The following NARF variants were observed in gnomAD, a reference collection of about 807,000 sequenced individuals.
NARF encodes the protein iron-only hydrogenase-like protein 2.
Under a neutral mutation model 48.0 loss-of-function variants are expected in NARF, and 41 were observed. The ratio of observed to expected loss-of-function variants is 0.85; its 90% CI spans 0.66 to 1.11. NARF has a LOEUF of 1.11. Among genes scored for constraint, NARF ranks in the 50% least tolerant of loss-of-function variants. NARF has a pLI of 0.00. For missense variants in NARF, 613 were observed against 590.2 expected, an observed-to-expected ratio of 1.04 and a Z score of -0.40; for synonymous variants, 215 against 225.5, an observed-to-expected ratio of 0.95 and a Z score of 0.42.
intron 3 of NARF, among the ~76,000 whole-genome samples, chr17:82,466,599 G>A (rs1281916612): frequency 1.3e-5 from 2 of 152,044 alleles, no homozygotes; most frequent in Admixed American, 6.6e-5. Context: ...GTTACAGGCA[G>A]GCACCACCAT....
chr17:82,470,595 C>T lies in NARF; in HGVS notation c.385+1699C>T, dbSNP rs369015657. 3.5e-3 allele frequency among the ~76,000 whole-genome samples: 534 copies of T among 152,130 alleles called. 5 individuals carry two copies. Among genetic ancestry groups the T allele is most frequent in the African/African-American group, 0.012 (490 of 41,518 alleles). On this transcript the variant is annotated intron_variant, in intron 4 of 10. Transcript: ENST00000309794. ...CTGCAAGCTCCACCTCCCGGGTTCA[C>T]ACCATTCTCCTGCCTCAGCCTCCCG...
rs780025320 is a variant in NARF, at chr17:82,472,715, C to T, written c.520+17C>T. The T allele has an allele frequency of 6.2e-7, 1 of 1,605,282 alleles. No individual in the cohort carries two copies. The highest frequency in any genetic ancestry group is 1.7e-5 in the Admixed American group (1 of 58,062). On this transcript the variant is annotated intron_variant, in intron 5 of 10. Transcript: ENST00000309794. Reference sequence around the variant, plus strand: ...CCTGTCCTGGTGAGCCCCTGGACCCCCGCTCTGTTGGCCTGAGGTGCCAAA... The same window carrying T: ...CCTGTCCTGGTGAGCCCCTGGACCCTCGCTCTGTTGGCCTGAGGTGCCAAA...
chr17:82,475,650 G>A (rs2043816076), intron 5 of NARF, among the ~76,000 whole-genome samples: 1 of 152,182 alleles, frequency 6.6e-6, no homozygotes, highest in Non-Finnish European at 1.5e-5. Context: ...AGGAAGCAAG[G>A]GGCTGGCCTG....
At chr17:82,470,413 TGTAAC>T (rs1385783538) in intron 4 of NARF, among the ~76,000 whole-genome samples, 1 of 152,346 alleles carries the variant, frequency 6.6e-6, no homozygotes, top group African/African-American at 2.4e-5. Context: ...CTTAAAATGA[TGTAAC>T]GGAATGTTAT....
chr17:82,459,276 C>T, intron 1 of NARF: 3 of 726,820 alleles, frequency 4.1e-6, no homozygotes, highest in Non-Finnish European at 5.1e-6. Context: ...TGTCTCCAGG[C>T]CATGGCAACA....
chr17:82,458,946 C>A, intron 1 of NARF, 116 bp downstream of exon 1: 4 of 1,227,296 alleles, frequency 3.3e-6, no homozygotes, highest in Non-Finnish European at 4.1e-6. Context: ...TTCAAGGCGC[C>A]CCCGGCCTCG....
intron 10 of NARF, 126 bp from the exon 11 acceptor site, chr17:82,487,790 A>ACCCCCCCC: frequency 1.6e-6 from 1 of 613,872 alleles, no homozygotes. Context: ...CTCCCGCCCA[A>ACCCCCCCC]TCTCTACAAA....
At chr17:82,473,081 C>T (rs1439445315) in intron 5 of NARF, among the ~76,000 whole-genome samples, 1 of 151,568 alleles carries the variant, frequency 6.6e-6, no homozygotes, top group East Asian at 1.9e-4. Flanking sequence ...GCTGGGACTA[C>T]AGGTGCACGC....
rs373163516 is a variant in NARF at position 82,459,576 on chromosome 17, G to A, written c.28-416G>A. 8 of 177,728 alleles carry A rather than the reference G, an allele frequency of 4.5e-5. No individual in the cohort carries two copies. The South Asian group carries it at 6.9e-4, about 15-fold the overall frequency. The allele number at this position is 177,728 out of a possible 1,614,324, so 11.0% of individuals were successfully genotyped here. A position where few individuals can be genotyped will look rare whatever the true frequency, so the allele number is the denominator to read the frequency against. Reference sequence around the variant, plus strand: ...CCTGTTTCACTAGAAGGGTTAGAAGGATAGAAGGCCAGGCACGGTGGCTCA... The same window carrying A: ...CCTGTTTCACTAGAAGGGTTAGAAGAATAGAAGGCCAGGCACGGTGGCTCA... On this transcript the variant is annotated intron_variant, in intron 1 of 10. Transcript: ENST00000309794.
chr17:82,472,441 G>A, intron 4 of NARF, 123 bp from the exon 5 acceptor site: 1 of 1,085,476 alleles, frequency 9.2e-7, no homozygotes, highest in Non-Finnish European at 1.3e-6. Context: ...CCGAGATTAT[G>A]CCACTGCACT....
At position 82,488,160 on chromosome 17, in the gene NARF, T is replaced by C. The variant is rs199678357; in HGVS notation, c.*3T>C. 3 of 1,613,106 alleles carry C rather than the reference T, an allele frequency of 1.9e-6. No individual in the cohort carries two copies. The highest frequency in any genetic ancestry group is 4.5e-5 in the East Asian group (2 of 44,844). On this transcript the variant is annotated 3_prime_UTR_variant, in exon 11 of 11. Coordinates refer to ENST00000309794, the MANE Select transcript of NARF (RefSeq NM_012336.4). ...ACAGCCTGGACATCAAGTGGTGAAG[T>C]CAGGCCAGGGCCTTCCAGCTGCTCT...
At position 82,488,439 on chromosome 17, in the gene NARF, A is replaced by C; in HGVS notation, c.*282A>C. ...CACCCAGGCTGGAGTGCAATGGCGC[A>C]ATCTCAGCTCACTGCAACCTCTGCC... On this transcript the variant is annotated 3_prime_UTR_variant, in exon 11 of 11. Transcript: ENST00000309794. 3.0e-6 allele frequency: 1 copy of C among 336,864 alleles called. No individual in the cohort carries two copies. Among genetic ancestry groups the C allele is most frequent in the African/African-American group, 2.1e-5 (1 of 46,788 alleles). The allele number at this position is 336,864 out of a possible 1,614,324, so 20.9% of individuals were successfully genotyped here.
At chr17:82,481,372 G>C (rs1299658789) in intron 7 of NARF, among the ~76,000 whole-genome samples, 161 bp downstream of exon 7, 1 of 152,124 alleles carries the variant, frequency 6.6e-6, no homozygotes, top group Non-Finnish European at 1.5e-5. Flanking sequence ...GGGCTTAACT[G>C]CAGGTGAAGA....
At chr17:82,479,792 T>C (rs1426238180) in intron 6 of NARF, 2 of 152,226 alleles carry the variant, frequency 1.3e-5, no homozygotes, top group African/African-American at 4.8e-5. Context: ...CTATCTAGTT[T>C]CTTTCTACCC....
At chr17:82,461,654 A>G (rs2043442080) in intron 2 of NARF, among the ~76,000 whole-genome samples, 1 of 152,236 alleles carries the variant, frequency 6.6e-6, no homozygotes, top group East Asian at 1.9e-4. Context: ...TTTCACGCCC[A>G]GAAGGAACAT....
chr17:82,478,629 G>A, intron 5 of NARF, 171 bp from the exon 6 acceptor site: 1 of 712,282 alleles, frequency 1.4e-6, no homozygotes, highest in Non-Finnish European at 2.5e-6. Flanking sequence ...CCACAGCCGG[G>A]CCACCGAGGA....
In NARF at chr17:82,481,165, C is replaced by T; in HGVS notation, c.723C>T (p.Pro241=). 1 of 1,614,094 alleles carries T rather than the reference C, an allele frequency of 6.2e-7. No homozygotes were observed. Among genetic ancestry groups the T allele is most frequent in the Non-Finnish European group, 8.5e-7 (1 of 1,180,024 alleles). The change falls in exon 7 of 11, where the codon CCC becomes CCT. Residue 241 remains proline (P), a synonymous_variant. Coordinates refer to ENST00000309794, the MANE Select transcript of NARF (RefSeq NM_012336.4). The part of the protein sequence containing the change: ...KKLEALQESL[P]PALHGSRGAD... ...TGGAGGCTCTTCAGGAAAGCCTTCC[C>T]CCTGCTTTGCATGGCTCCCGGGGCG...
chr17:82,458,590 T>C (rs1456707862), upstream of NARF: 1 of 554,524 alleles, frequency 1.8e-6, no homozygotes, highest in Non-Finnish European at 2.8e-6. Flanking sequence ...ACACTGTCAT[T>C]GGCCTAGGCA....
intron 7 of NARF, chr17:82,481,932 A>G (rs970452796): frequency 1.9e-4 from 61 of 324,682 alleles, no homozygotes; most frequent in African/African-American, 1.2e-3. Flanking sequence ...AAAATGAAAA[A>G]GGCACGTTTG....
Sources: gnomAD v4.1 joint callset for allele counts (sites outside exome capture counted in the v4.1 genomes callset) on GRCh38, gnomAD v4.1.1 for gene constraint, MANE v1.5 for transcripts, NCBI Gene and HGNC (gene_info 2026-07-23, HGNC 2026-07-21) for gene names.